Variants in PHLDB2 observed in about 807,000 individuals in gnomAD.
PHLDB2 encodes pleckstrin homology like domain family B member 2.
A neutral mutation model predicts 123.6 loss-of-function variants in PHLDB2; 71 were observed. The ratio of observed to expected loss-of-function variants is 0.57; its 90% CI spans 0.47 to 0.70. The LOEUF (loss-of-function observed/expected upper bound fraction) is 0.70. Ranked by LOEUF, PHLDB2 falls within the 30% of genes least tolerant of loss-of-function variation. PHLDB2 has a pLI of 0.00. For synonymous variants in PHLDB2, 547 were observed against 541.6 expected (o/e 1.01, Z -0.14); for missense variants, 1,446 against 1,519.5 (o/e 0.95, Z 0.80).
chr3:111,899,801 A>G (rs994516282), intron 2 of PHLDB2, among the ~76,000 whole-genome samples: 4 of 152,238 alleles, frequency 2.6e-5, no homozygotes, highest in Non-Finnish European at 5.9e-5. Context: ...TTGTTGATTG[A>G]TTAATTGTGG....
chr3:111,854,803 A>T (rs569623781), upstream of PHLDB2, among the ~76,000 whole-genome samples: 3 of 152,246 alleles, frequency 2.0e-5, no homozygotes, highest in Non-Finnish European at 4.4e-5. Context: ...GAGACTTATG[A>T]ACAGAAGCCA....
chr3:111,969,172 A>G (rs538412419), intron 15 of PHLDB2, among the ~76,000 whole-genome samples: 55 of 152,280 alleles, frequency 3.6e-4, no homozygotes, highest in African/African-American at 1.3e-3. Context: ...TCTGCCTTCA[A>G]TTTCTATCGG....
At position 111,974,579 on chromosome 3, in the gene PHLDB2, G is replaced by C. The variant is rs1316775211; in HGVS notation, c.*16G>C. ...CTTGTTGTAGTGAACTGAGGCAACA[G>C]TCCACTTCAGGGCAGACGGCAATAA... On this transcript the variant is annotated 3_prime_UTR_variant, in exon 18 of 18. Coordinates refer to ENST00000431670, the MANE Select transcript of PHLDB2 (RefSeq NM_001134438.2). 6.2e-7 allele frequency: 1 copy of C among 1,602,978 alleles called. No homozygotes were observed.
chr3:111,757,834 C>T lies in PHLDB2; in HGVS notation c.-49+25131C>T, dbSNP rs935154794. On this transcript the variant is annotated intron_variant, in intron 1 of 17. Transcript: ENST00000393923. ...CAACAGGTCTAACAACAGACCTCAG[C>T]TGCAGGTCTGTTGGAGTTTGCTAGA... 9.2e-5 allele frequency among the ~76,000 whole-genome samples: 14 copies of T among 152,336 alleles called. No individual in the cohort carries two copies. In the South Asian group the frequency reaches 2.9e-3, roughly 32 times the overall value.
chr3:111,931,565 CTG>C (rs1160374257), intron 5 of PHLDB2, among the ~76,000 whole-genome samples: 1 of 152,250 alleles, frequency 6.6e-6, no homozygotes, highest in Non-Finnish European at 1.5e-5. Context: ...GTGGGAAAGT[CTG>C]TATTTCCGCA....
intron 1 of PHLDB2, among the ~76,000 whole-genome samples, chr3:111,802,959 T>C (rs532189796): frequency 1.3e-5 from 2 of 152,290 alleles, no homozygotes; most frequent in South Asian, 2.1e-4. Flanking sequence ...AAAGCAGAAA[T>C]ATAAAATAAA....
chr3:111,958,580 G>A, intron 12 of PHLDB2: 1 of 379,554 alleles, frequency 2.6e-6, no homozygotes, highest in South Asian at 2.1e-5. Context: ...CCCAGGCAGT[G>A]AAGAGCTGAA....
chr3:111,820,060 T>A (rs2108394329), intron 1 of PHLDB2, among the ~76,000 whole-genome samples: 1 of 152,328 alleles, frequency 6.6e-6, no homozygotes, highest in South Asian at 2.1e-4. Context: ...CCTAGTGGCT[T>A]GAGGTTGTTC....
chr3:111,974,422 G>C lies in PHLDB2; in HGVS notation c.3622-1G>C. ...ATTCTTTTTCCTTTTTTGAATTTTA[G>C]AGTCCTAATCCGTTACTCACCTTTA... On this transcript the variant is annotated splice_acceptor_variant, in intron 17 of 17. Transcript: ENST00000431670. LOFTEE classifies it high-confidence loss of function. The C allele has an allele frequency of 6.3e-7, 1 of 1,577,672 alleles. No homozygotes were observed. The highest frequency in any genetic ancestry group is 1.4e-5 in the African/African-American group (1 of 73,044).
chr3:111,910,181 C>G (rs1559898261), intron 2 of PHLDB2, among the ~76,000 whole-genome samples: 1 of 152,170 alleles, frequency 6.6e-6, no homozygotes, highest in African/African-American at 2.4e-5. Context: ...ACACAATTTT[C>G]TTTACGTATA....
chr3:111,953,544 G>C (rs1259468278), intron 11 of PHLDB2, among the ~76,000 whole-genome samples: 1 of 152,158 alleles, frequency 6.6e-6, no homozygotes. Flanking sequence ...AAATAAAAAT[G>C]GGTGCATTTG....
At chr3:111,814,102 ACG>A (rs2061965010) in intron 1 of PHLDB2, among the ~76,000 whole-genome samples, 1 of 152,206 alleles carries the variant, frequency 6.6e-6, no homozygotes, top group African/African-American at 2.4e-5. Context: ...GTATTCCAAA[ACG>A]TGGGATACAC....
chr3:111,753,097 C>T lies in PHLDB2; in HGVS notation c.-49+20394C>T, dbSNP rs919486237. ...AAGTCTTTGCTATTGTGAATAGTGC[C>T]GCAATAAACGTATGTGTGCATGTGT... On this transcript the variant is annotated intron_variant, in intron 1 of 17. Coordinates refer to the PHLDB2 transcript ENST00000393923. Among the ~76,000 whole-genome samples the T allele has an allele frequency of 8.6e-4, 130 of 151,864 alleles. 3 individuals carry two copies. Among genetic ancestry groups the T allele is most frequent in the Admixed American group, 1.2e-3 (18 of 15,234 alleles).
At chr3:111,838,126 G>A (rs1467588026) in intron 1 of PHLDB2, among the ~76,000 whole-genome samples, 1 of 152,140 alleles carries the variant, frequency 6.6e-6, no homozygotes, top group Non-Finnish European at 1.5e-5. Context: ...AGTCTAGAGT[G>A]CGGGTAAGGT....
At chr3:111,804,387 C>A (rs1376637189) in intron 1 of PHLDB2, among the ~76,000 whole-genome samples, 2 of 152,164 alleles carry the variant, frequency 1.3e-5, no homozygotes, top group Non-Finnish European at 2.9e-5. Flanking sequence ...AGGTAGAAAA[C>A]TTTGGCGAAG....
intron 2 of PHLDB2, among the ~76,000 whole-genome samples, chr3:111,902,982 C>A (rs2067286182): frequency 6.6e-6 from 1 of 152,124 alleles, no homozygotes; most frequent in African/African-American, 2.4e-5. Context: ...TGGAAAGCTA[C>A]CAAACCACAA....
intron 5 of PHLDB2, among the ~76,000 whole-genome samples, chr3:111,928,473 A>G (rs1212535392): frequency 1.3e-5 from 2 of 152,198 alleles, no homozygotes; most frequent in African/African-American, 4.8e-5. Flanking sequence ...TTGTAACCAA[A>G]TTGGGGCCTG....
At chr3:111,754,156 A>C (rs1459031668) in intron 1 of PHLDB2, among the ~76,000 whole-genome samples, 3 of 151,740 alleles carry the variant, frequency 2.0e-5, no homozygotes, top group South Asian at 2.1e-4. Flanking sequence ...TCCATATGAA[A>C]TTTAAAGTAG....
intron 1 of PHLDB2, among the ~76,000 whole-genome samples, chr3:111,794,938 G>A (rs1251393125): frequency 6.6e-6 from 1 of 152,196 alleles, no homozygotes; most frequent in Non-Finnish European, 1.5e-5. Flanking sequence ...TTTCAGATGT[G>A]AAGAGGATCA....
Sources: allele counts gnomAD v4.1 joint callset (sites outside exome capture counted in the v4.1 genomes callset), GRCh38; gene constraint gnomAD v4.1.1; transcripts MANE v1.5; gene names NCBI Gene and HGNC (gene_info 2026-07-23, HGNC 2026-07-21).